Variants in DOK6 observed in about 807,000 individuals in gnomAD.
DOK6 encodes docking protein 6.
In DOK6, 22 loss-of-function variants were observed where a neutral mutation model predicts 44.0. The ratio of observed to expected loss-of-function variants is 0.50; its 90% CI spans 0.36 to 0.71. The LOEUF (loss-of-function observed/expected upper bound fraction) is 0.71, where lower values mean the gene tolerates loss of function less well. Ranked by LOEUF, DOK6 falls within the 30% of genes least tolerant of loss-of-function variation. The pLI, the probability that DOK6 is intolerant of heterozygous loss-of-function variation, is 0.00. For synonymous variants in DOK6, 166 were observed against 145.5 expected, an observed-to-expected ratio of 1.14 and a Z score of -1.01; for missense variants, 340 against 416.4, an observed-to-expected ratio of 0.82 and a Z score of 1.60.
chr18:69,734,901 T>C (rs2144734504), intron 5 of DOK6, among the ~76,000 whole-genome samples: 1 of 152,172 alleles, frequency 6.6e-6, no homozygotes, highest in East Asian at 1.9e-4. Context: ...AGTCACGCCT[T>C]CATAGAGAGC....
intron 1 of DOK6, among the ~76,000 whole-genome samples, chr18:69,418,752 A>G (rs1375623237): frequency 1.3e-5 from 2 of 152,058 alleles, no homozygotes; most frequent in Non-Finnish European, 1.5e-5. Context: ...GATTACAAGT[A>G]TAAGCCATTA....
At chr18:69,574,713 A>G (rs1196383387) in intron 2 of DOK6, among the ~76,000 whole-genome samples, 1 of 152,062 alleles carries the variant, frequency 6.6e-6, no homozygotes, top group Non-Finnish European at 1.5e-5. Flanking sequence ...ATACCTTACT[A>G]TGAGTTTAGT....
chr18:69,573,242 A>T (rs575522854), intron 2 of DOK6, among the ~76,000 whole-genome samples: 1 of 151,910 alleles, frequency 6.6e-6, no homozygotes, highest in African/African-American at 2.4e-5. Context: ...TATGTGTGTG[A>T]TTTTTCCCTC....
chr18:69,617,417 AAAG>A (rs1490455144), intron 3 of DOK6, among the ~76,000 whole-genome samples: 1 of 149,896 alleles, frequency 6.7e-6, no homozygotes, highest in Non-Finnish European at 1.5e-5. Flanking sequence ...CGATAGGAGA[AAAG>A]AAAAAGAAAG....
In DOK6 at chr18:69,558,828, A is replaced by G. The variant is rs79089004; in HGVS notation, c.67-5659A>G. Among the ~76,000 whole-genome samples the G allele has an allele frequency of 2.6e-5, 4 of 152,274 alleles. No homozygotes were observed. In the East Asian group the frequency reaches 7.7e-4, roughly 29 times the overall value. ...AAAAATCTGACAAAATCTGAGCAGAATCTTTAGTTTAGTTAATAGTATTTG... is the reference window on the plus strand; with the variant it reads ...AAAAATCTGACAAAATCTGAGCAGAGTCTTTAGTTTAGTTAATAGTATTTG... On this transcript the variant is annotated intron_variant, in intron 1 of 7. Transcript: ENST00000382713.
intron 7 of DOK6, among the ~76,000 whole-genome samples, chr18:69,836,813 T>C (rs1264296680): frequency 6.6e-6 from 1 of 152,220 alleles, no homozygotes; most frequent in Non-Finnish European, 1.5e-5. Flanking sequence ...TATTTTGTTT[T>C]GCTTCCATCA....
intron 1 of DOK6, among the ~76,000 whole-genome samples, chr18:69,407,201 G>C (rs1916221780): frequency 2.0e-5 from 3 of 152,282 alleles, no homozygotes; most frequent in Middle Eastern, 3.4e-3. Context: ...TGTTGAGTAG[G>C]ACAATTAAGT....
At chr18:69,597,357 A>T (rs945148575) in intron 2 of DOK6, among the ~76,000 whole-genome samples, 2 of 152,246 alleles carry the variant, frequency 1.3e-5, no homozygotes, top group Non-Finnish European at 2.9e-5. Flanking sequence ...GAATGAATTA[A>T]TGAATGACCT....
At chr18:69,473,225 G>A (rs1296871368) in intron 1 of DOK6, among the ~76,000 whole-genome samples, 2 of 152,120 alleles carry the variant, frequency 1.3e-5, no homozygotes, top group Non-Finnish European at 2.9e-5. Context: ...AAATTTGAAT[G>A]TCAGGTAAAC....
chr18:69,802,275 A>C (rs957073612), intron 7 of DOK6, among the ~76,000 whole-genome samples: 1 of 152,258 alleles, frequency 6.6e-6, no homozygotes. Context: ...CCATGGTTCA[A>C]CTTGAAGATT....
intron 7 of DOK6, among the ~76,000 whole-genome samples, chr18:69,774,157 A>ATATATATATATATAG (rs1979990377): frequency 2.9e-5 from 1 of 34,438 alleles, no homozygotes; most frequent in African/African-American, 4.9e-5. Context: ...TATATATATA[A>ATATATATATATATAG]TGTAATACTA....
intron 3 of DOK6, among the ~76,000 whole-genome samples, chr18:69,664,629 C>T (rs1272320105): frequency 6.6e-6 from 1 of 152,158 alleles, no homozygotes; most frequent in Non-Finnish European, 1.5e-5. Flanking sequence ...GTACTAACTG[C>T]AAGCAATATC....
chr18:69,573,170 G>T (rs144611796), intron 2 of DOK6, among the ~76,000 whole-genome samples: 1 of 151,732 alleles, frequency 6.6e-6, no homozygotes, highest in Non-Finnish European at 1.5e-5. Context: ...ATTGATATAA[G>T]TAGGTTGGAT....
intron 1 of DOK6, among the ~76,000 whole-genome samples, chr18:69,429,641 A>ATATATG (rs1978746513): frequency 5.5e-5 from 3 of 54,974 alleles, no homozygotes; most frequent in African/African-American, 1.8e-4. Flanking sequence ...ATATATATAT[A>ATATATG]TATATATATA....
At position 69,765,008 on chromosome 18, in the gene DOK6, A is replaced by G. The variant is rs141460202; in HGVS notation, c.856+7135A>G. On this transcript the variant is annotated intron_variant, in intron 7 of 7. Coordinates refer to ENST00000382713, the MANE Select transcript of DOK6 (RefSeq NM_152721.6). ...GGTGTCTGTGGCTTCATTTTCTCAG[A>G]AGGACAGGATGGAAATAGGCAATTA... 3.2e-3 allele frequency among the ~76,000 whole-genome samples: 486 copies of G among 152,256 alleles called. 2 individuals carry two copies. The highest frequency in any genetic ancestry group is 0.011 in the African/African-American group (460 of 41,568).
At chr18:69,681,028 T>C (rs1357435656) in intron 4 of DOK6, among the ~76,000 whole-genome samples, 2 of 152,232 alleles carry the variant, frequency 1.3e-5, no homozygotes, top group Admixed American at 1.3e-4. Context: ...TATATATAGA[T>C]TGAATAATCT....
chr18:69,636,170 T>C (rs1984803652), intron 3 of DOK6, among the ~76,000 whole-genome samples: 1 of 152,218 alleles, frequency 6.6e-6, no homozygotes, highest in African/African-American at 2.4e-5. Context: ...CTGGCACTAG[T>C]GGGGACTGAT....
At chr18:69,707,496 G>T (rs1000741746) in intron 5 of DOK6, among the ~76,000 whole-genome samples, 1 of 152,128 alleles carries the variant, frequency 6.6e-6, no homozygotes, top group African/African-American at 2.4e-5. Flanking sequence ...CACTATTTCA[G>T]TGCCCTGTAT....
chr18:69,614,014 G>GTTTTTTT (rs1984224443), intron 3 of DOK6, among the ~76,000 whole-genome samples: 1 of 150,078 alleles, frequency 6.7e-6, no homozygotes, highest in African/African-American at 2.5e-5. Flanking sequence ...AGTTTTCTGA[G>GTTTTTTT]TATTATTACC....
Sources: allele counts gnomAD v4.1 joint callset (sites outside exome capture counted in the v4.1 genomes callset), GRCh38; gene constraint gnomAD v4.1.1; transcripts MANE v1.5; gene names NCBI Gene and HGNC (gene_info 2026-07-23, HGNC 2026-07-21).